Variants in HHAT observed in about 807,000 individuals in gnomAD.
HHAT encodes hedgehog acyltransferase.
A neutral mutation model predicts 70.8 loss-of-function variants in HHAT; 47 were observed. The observed-to-expected ratio is 0.66, with a 90% CI of 0.53 to 0.85. HHAT has a LOEUF of 0.85. HHAT is among the 40% of genes least tolerant of loss of function. The pLI is 0.00. For synonymous variants in HHAT, 228 were observed against 247.6 expected, an observed-to-expected ratio of 0.92 and a Z score of 0.74; for missense variants, 609 against 604.8, an observed-to-expected ratio of 1.01 and a Z score of -0.07.
chr1:210,647,887 G>A (rs971922256), intron 11 of HHAT, among the ~76,000 whole-genome samples: 1 of 152,218 alleles, frequency 6.6e-6, no homozygotes, highest in African/African-American at 2.4e-5. Context: ...AAGTCACATA[G>A]TAGGTACATT....
rs144795638 is a variant in HHAT, at chr1:210,359,892, C to T, written c.92-2960C>T. On this transcript the variant is annotated intron_variant, in intron 2 of 11. Coordinates refer to ENST00000261458, the MANE Select transcript of HHAT (RefSeq NM_018194.6). ...AAAAACAAAAAAAAAACCCAGTCTC[C>T]GAATTTTTGGGAGACTGATTTCGGT... Among the ~76,000 whole-genome samples, 382 of 152,142 alleles carry T rather than the reference C, an allele frequency of 2.5e-3. 1 individual carries two copies. Among genetic ancestry groups the T allele is most frequent in the African/African-American group, 8.7e-3 (361 of 41,516 alleles).
intron 8 of HHAT, among the ~76,000 whole-genome samples, chr1:210,509,839 G>A (rs1438008153): frequency 1.3e-5 from 2 of 152,312 alleles, no homozygotes; most frequent in African/African-American, 4.8e-5. Context: ...CTCATATCTT[G>A]TAGTCATTGC....
Position 210,595,554 on chromosome 1 carries a change from A to G in HHAT, c.1245+7455A>G, listed in dbSNP as rs911413769. Among the ~76,000 whole-genome samples the G allele has an allele frequency of 2.1e-4, 32 of 152,278 alleles. 1 individual carries two copies. Among genetic ancestry groups the G allele is most frequent in the African/African-American group, 5.8e-4 (24 of 41,564 alleles). On this transcript the variant is annotated intron_variant, in intron 10 of 11. Transcript: ENST00000261458. The stretch of plus-strand genomic sequence containing the variant: ...AGGAGTCGCCACACTGACTTCCACA[A>G]TGGTTGAACTAGTTTACAGTCCCAC...
At position 210,461,387 on chromosome 1, in the gene HHAT, C is replaced by T. The variant is rs543922345; in HGVS notation, c.857-3118C>T. Among the ~76,000 whole-genome samples, 12 of 152,280 alleles carry T rather than the reference C, an allele frequency of 7.9e-5. No individual in the cohort carries two copies. The East Asian group carries it at 2.1e-3, about 27-fold the overall frequency. On this transcript the variant is annotated intron_variant, in intron 7 of 11. Transcript: ENST00000261458. ...GATCTTGGCTCGCTGCAATCTCTGCCTCCCAGGTTCAAGCGATTCCCCTGC... is the reference window on the plus strand; with the variant it reads ...GATCTTGGCTCGCTGCAATCTCTGCTTCCCAGGTTCAAGCGATTCCCCTGC...
intron 8 of HHAT, among the ~76,000 whole-genome samples, chr1:210,467,889 C>T (rs568094341): frequency 6.6e-5 from 10 of 152,250 alleles, no homozygotes; most frequent in African/African-American, 2.2e-4. Context: ...AGTCAGCAGC[C>T]TGCCGTATCA....
At position 210,366,696 on chromosome 1, in the gene HHAT, A is replaced by T. The variant is rs57669385; in HGVS notation, c.159+3777A>T. Among the ~76,000 whole-genome samples the T allele has an allele frequency of 8.8e-3, 1,337 of 152,296 alleles. 21 individuals carry two copies. Among genetic ancestry groups the T allele is most frequent in the African/African-American group, 0.03 (1,266 of 41,560 alleles). ...TGCCAAATGCCCCCAGGAGGCAAAA[A>T]TCATCCCCTTTTAAGAGCAGCTGGT... On this transcript the variant is annotated intron_variant, in intron 3 of 11. Transcript: ENST00000261458.
At chr1:210,449,830 C>G (rs891389101) in intron 7 of HHAT, among the ~76,000 whole-genome samples, 1 of 152,156 alleles carries the variant, frequency 6.6e-6, no homozygotes, top group African/African-American at 2.4e-5. Flanking sequence ...TTCATTAGGT[C>G]TCCATAAAGA....
At chr1:210,524,424 G>T (rs7411586) in intron 9 of HHAT, among the ~76,000 whole-genome samples, 22,198 of 151,986 alleles carry the variant, frequency 0.15, 1,762 homozygotes, top group East Asian at 0.24. Flanking sequence ...AGTCACCAGG[G>T]AAAGGGCGAG....
At chr1:210,599,431 C>G (rs981213882) in intron 10 of HHAT, among the ~76,000 whole-genome samples, 5 of 152,146 alleles carry the variant, frequency 3.3e-5, no homozygotes, top group Non-Finnish European at 1.5e-5. Context: ...CCAGGTTTCT[C>G]AGACTTTGCA....
chr1:210,460,632 TC>T (rs563363200), intron 7 of HHAT, among the ~76,000 whole-genome samples: 74 of 152,290 alleles, frequency 4.9e-4, no homozygotes, highest in African/African-American at 1.7e-3. Flanking sequence ...ACCATATTGC[TC>T]AGTGCCTGGC....
intron 7 of HHAT, among the ~76,000 whole-genome samples, chr1:210,444,384 T>C (rs1192646624): frequency 7.0e-6 from 1 of 143,416 alleles, no homozygotes; most frequent in African/African-American, 2.5e-5. Flanking sequence ...GAGGATTCCC[T>C]CTTTTTCTAT....
chr1:210,431,914 A>G lies in HHAT; in HGVS notation c.856+13589A>G, dbSNP rs541298626. On this transcript the variant is annotated intron_variant, in intron 7 of 11. Coordinates refer to ENST00000261458, the MANE Select transcript of HHAT (RefSeq NM_018194.6). The stretch of plus-strand genomic sequence containing the variant: ...TAGTATAATAGGCAGCCAAGAAAAT[A>G]GAAGATTTAAATGTTATAATTGTTT... Among the ~76,000 whole-genome samples, 30 of 152,008 alleles carry G rather than the reference A, an allele frequency of 2.0e-4. No homozygotes were observed. The South Asian group carries it at 6.0e-3, about 30-fold the overall frequency.
intron 9 of HHAT, among the ~76,000 whole-genome samples, chr1:210,514,740 T>C (rs1350790319): frequency 6.6e-6 from 1 of 152,212 alleles, no homozygotes; most frequent in Non-Finnish European, 1.5e-5. Flanking sequence ...GAAAAAGCTG[T>C]ACAGTCATTT....
chr1:210,376,650 C>T (rs2148096310), intron 3 of HHAT, among the ~76,000 whole-genome samples: 1 of 152,286 alleles, frequency 6.6e-6, no homozygotes, highest in Non-Finnish European at 1.5e-5. Flanking sequence ...GTCTCCCAGG[C>T]CCCTGGGCTG....
At chr1:210,582,101 C>T (rs576710986) in intron 9 of HHAT, among the ~76,000 whole-genome samples, 43 of 152,256 alleles carry the variant, frequency 2.8e-4, no homozygotes, top group African/African-American at 1.0e-3. Context: ...AAAGAGACTT[C>T]CTGGAGTTGG....
chr1:210,630,719 G>T (rs957727742), intron 11 of HHAT, among the ~76,000 whole-genome samples: 26 of 152,158 alleles, frequency 1.7e-4, no homozygotes, highest in African/African-American at 6.0e-4. Flanking sequence ...CCCAGGACTC[G>T]CCAGGCAGTA....
chr1:210,424,168 C>T (rs2092988764), intron 7 of HHAT, among the ~76,000 whole-genome samples: 1 of 152,144 alleles, frequency 6.6e-6, no homozygotes, highest in Admixed American at 6.6e-5. Context: ...AATCCATGAG[C>T]ATGGGTTGTT....
intron 10 of HHAT, among the ~76,000 whole-genome samples, chr1:210,606,078 G>A (rs976371699): frequency 6.6e-6 from 1 of 151,888 alleles, no homozygotes; most frequent in African/African-American, 2.4e-5. Flanking sequence ...GGCTGGTCTC[G>A]AACTCCTGAC....
chr1:210,358,837 C>A (rs1036709329), intron 2 of HHAT, among the ~76,000 whole-genome samples: 1 of 152,172 alleles, frequency 6.6e-6, no homozygotes, highest in Non-Finnish European at 1.5e-5. Context: ...AATTTCCCAT[C>A]AAAATGCTGA....
Sources: gnomAD v4.1 joint callset for allele counts (sites outside exome capture counted in the v4.1 genomes callset) on GRCh38, gnomAD v4.1.1 for gene constraint, MANE v1.5 for transcripts, NCBI Gene and HGNC (gene_info 2026-07-23, HGNC 2026-07-21) for gene names.